The following ADAMTSL1 variants were observed in gnomAD, a reference collection of about 807,000 sequenced individuals.
ADAMTSL1 encodes the protein ADAMTS like 1.
In ADAMTSL1, 126 loss-of-function variants were observed where a neutral mutation model predicts 201.8. The observed-to-expected ratio is 0.62, with a 90% CI of 0.54 to 0.72. ADAMTSL1 has a LOEUF of 0.72. Ranked by LOEUF, ADAMTSL1 falls within the 30% of genes least tolerant of loss-of-function variation. The pLI is 0.00. For missense variants in ADAMTSL1, 2,679 were observed against 2,277.8 expected, an observed-to-expected ratio of 1.18 and a Z score of -3.59; for synonymous variants, 1,121 against 903.4, an observed-to-expected ratio of 1.24 and a Z score of -4.32.
intron 1 of ADAMTSL1, among the ~76,000 whole-genome samples, chr9:17,921,832 A>C (rs1201735425): frequency 6.6e-6 from 1 of 152,106 alleles, no homozygotes; most frequent in African/African-American, 2.4e-5. Flanking sequence ...CAATAATAAC[A>C]GCTCTCTCCA....
At chr9:18,692,356 C>T (rs1459540349) in intron 13 of ADAMTSL1, among the ~76,000 whole-genome samples, 4 of 152,144 alleles carry the variant, frequency 2.6e-5, no homozygotes, top group Non-Finnish European at 2.9e-5. Flanking sequence ...CAGATAGAGC[C>T]GTTTTTTTGT....
At chr9:18,066,789 A>G (rs1484939321) in intron 1 of ADAMTSL1, among the ~76,000 whole-genome samples, 4 of 152,236 alleles carry the variant, frequency 2.6e-5, no homozygotes, top group Non-Finnish European at 5.9e-5. Context: ...CATATACACC[A>G]TGGAATACTA....
chr9:18,211,000 G>A (rs183684060), intron 2 of ADAMTSL1, among the ~76,000 whole-genome samples: 14 of 151,668 alleles, frequency 9.2e-5, no homozygotes, highest in Admixed American at 3.9e-4. Flanking sequence ...GGAGAGAAGC[G>A]ACAAGGTGGG....
At chr9:18,285,171 A>G (rs1832947109) in intron 2 of ADAMTSL1, among the ~76,000 whole-genome samples, 1 of 152,192 alleles carries the variant, frequency 6.6e-6, no homozygotes, top group African/African-American at 2.4e-5. Context: ...TCTCAAAGGC[A>G]GTATATAAAA....
chr9:17,963,261 T>C (rs1201869611), intron 1 of ADAMTSL1, among the ~76,000 whole-genome samples: 2 of 152,174 alleles, frequency 1.3e-5, no homozygotes, highest in African/African-American at 4.8e-5. Flanking sequence ...ATAGTTAATG[T>C]TTTGCTATGT....
chr9:18,888,655 A>C (rs1009430494), intron 24 of ADAMTSL1, among the ~76,000 whole-genome samples: 2 of 152,180 alleles, frequency 1.3e-5, no homozygotes, highest in African/African-American at 2.4e-5. Context: ...AGGCCCAATC[A>C]GTGGGAAAGA....
At chr9:18,694,671 A>G (rs1207747564) in intron 13 of ADAMTSL1, among the ~76,000 whole-genome samples, 1 of 152,058 alleles carries the variant, frequency 6.6e-6, no homozygotes, top group East Asian at 1.9e-4. Flanking sequence ...CTCCACCCCT[A>G]TGAAGTTGAG....
intron 2 of ADAMTSL1, among the ~76,000 whole-genome samples, chr9:18,204,345 C>G (rs1037872973): frequency 6.6e-6 from 1 of 152,062 alleles, no homozygotes; most frequent in African/African-American, 2.4e-5. Context: ...TCACTTGGCA[C>G]TTCTCCTTCC....
intron 2 of ADAMTSL1, among the ~76,000 whole-genome samples, chr9:18,390,174 T>G (rs1015640577): frequency 6.6e-6 from 1 of 152,144 alleles, no homozygotes; most frequent in Non-Finnish European, 1.5e-5. Flanking sequence ...TAGCAGCTAA[T>G]ATAGGGCAGG....
At chr9:18,855,704 G>A (rs912119764) in intron 23 of ADAMTSL1, among the ~76,000 whole-genome samples, 1 of 152,096 alleles carries the variant, frequency 6.6e-6, no homozygotes, top group Non-Finnish European at 1.5e-5. Context: ...TATGATTATG[G>A]AATTCTTCGT....
At chr9:18,355,554 G>C (rs1296738072) in intron 2 of ADAMTSL1, among the ~76,000 whole-genome samples, 4 of 152,144 alleles carry the variant, frequency 2.6e-5, no homozygotes, top group African/African-American at 9.7e-5. Flanking sequence ...GAAAGACATT[G>C]ATAAAAATAC....
chr9:18,473,191 G>A (rs1164612345), upstream of ADAMTSL1, among the ~76,000 whole-genome samples: 1 of 152,204 alleles, frequency 6.6e-6, no homozygotes, highest in Non-Finnish European at 1.5e-5. Context: ...AAGGACGTGG[G>A]TGAGGTGCGG....
At chr9:18,646,813 G>A (rs1365176150) in intron 7 of ADAMTSL1, among the ~76,000 whole-genome samples, 1 of 151,956 alleles carries the variant, frequency 6.6e-6, no homozygotes, top group Non-Finnish European at 1.5e-5. Context: ...GAGGATTTTT[G>A]CATCAATGTT....
intron 2 of ADAMTSL1, among the ~76,000 whole-genome samples, chr9:18,208,782 A>T (rs896052442): frequency 3.3e-5 from 5 of 152,162 alleles, no homozygotes; most frequent in African/African-American, 1.2e-4. Flanking sequence ...TTTGACTTGA[A>T]TGAGTTATGT....
intron 2 of ADAMTSL1, among the ~76,000 whole-genome samples, chr9:18,516,007 A>G (rs1415336311): frequency 3.3e-5 from 5 of 151,340 alleles, no homozygotes; most frequent in Non-Finnish European, 7.4e-5. Flanking sequence ...TAAACTTCCT[A>G]TCCACAGAGT....
chr9:18,562,601 G>A (rs576492422), intron 3 of ADAMTSL1, among the ~76,000 whole-genome samples: 1 of 152,218 alleles, frequency 6.6e-6, no homozygotes, highest in East Asian at 1.9e-4. Context: ...GATAATATCT[G>A]GAAGAGTGTT....
At chr9:17,975,183 G>A (rs1398196191) in intron 1 of ADAMTSL1, among the ~76,000 whole-genome samples, 2 of 151,906 alleles carry the variant, frequency 1.3e-5, no homozygotes, top group African/African-American at 4.8e-5. Flanking sequence ...TGTCCATTCA[G>A]GTTCTTTGGC....
chr9:18,575,799 A>T (rs529504135), intron 4 of ADAMTSL1, among the ~76,000 whole-genome samples: 1 of 152,328 alleles, frequency 6.6e-6, no homozygotes, highest in East Asian at 1.9e-4. Context: ...ATGGGACTAA[A>T]TTCCACATCT....
At chr9:18,479,419 A>G (rs971118415) in intron 1 of ADAMTSL1, among the ~76,000 whole-genome samples, 1 of 152,332 alleles carries the variant, frequency 6.6e-6, no homozygotes, top group East Asian at 1.9e-4. Context: ...TTAGAGAAAT[A>G]TATTTTATCT....
Sources: gnomAD v4.1 joint callset for allele counts (sites outside exome capture counted in the v4.1 genomes callset) on GRCh38, gnomAD v4.1.1 for gene constraint, MANE v1.5 for transcripts, NCBI Gene and HGNC (gene_info 2026-07-23, HGNC 2026-07-21) for gene names.